PARP1: variants seen among roughly 807,000 people sequenced by gnomAD.
PARP1 encodes poly [ADP-ribose] polymerase 1.
A neutral mutation model predicts 118.7 loss-of-function variants in PARP1; 44 were observed. The observed-to-expected ratio is 0.37, with a 90% CI of 0.29 to 0.48. The LOEUF (loss-of-function observed/expected upper bound fraction) is 0.48, where lower values mean the gene tolerates loss of function less well. PARP1 is among the 20% of genes least tolerant of loss of function. The pLI is 0.99. For missense variants in PARP1, 1,100 were observed against 1,272.4 expected, an observed-to-expected ratio of 0.86 and a Z score of 2.06; for synonymous variants, 492 against 483.2, an observed-to-expected ratio of 1.02 and a Z score of -0.24.
At chr1:226,379,843 G>A (rs1231705503) in intron 10 of PARP1, 79 bp downstream of exon 10, 3 of 1,603,510 alleles carry the variant, frequency 1.9e-6, no homozygotes, top group South Asian at 1.1e-5. Context: ...GGACACAAAG[G>A]GAGAGGTTCC....
intron 1 of PARP1, 82 bp downstream of exon 1, chr1:226,407,728 G>GCCCC: frequency 1.6e-6 from 2 of 1,289,820 alleles, no homozygotes; most frequent in Non-Finnish European, 2.1e-6. Flanking sequence ...CGCTCCCTGG[G>GCCCC]CCCGCCCTCC....
At chr1:226,388,851 A>T in intron 4 of PARP1, 96 bp from the exon 5 acceptor site, 1 of 944,776 alleles carries the variant, frequency 1.1e-6, no homozygotes, top group South Asian at 1.3e-5. Flanking sequence ...TCATTCTATC[A>T]ACTCCCTGTA....
intron 1 of PARP1, among the ~76,000 whole-genome samples, chr1:226,404,752 G>A (rs1665109352): frequency 6.6e-6 from 1 of 152,206 alleles, no homozygotes; most frequent in South Asian, 2.1e-4. Flanking sequence ...CACAGCTGAG[G>A]CAAGGCACAG....
chr1:226,368,696 T>G (rs1443876122), intron 15 of PARP1, among the ~76,000 whole-genome samples: 1 of 152,234 alleles, frequency 6.6e-6, no homozygotes, highest in Non-Finnish European at 1.5e-5. Context: ...TTGAAACATT[T>G]TCATAATAAA....
Position 226,407,965 on chromosome 1 carries a change from A to ACGCCACGACCTAGAAACACGCTGC in PARP1, c.-60_-37dup, listed in dbSNP as rs772749345. 9.9e-6 allele frequency: 16 copies of ACGCCACGACCTAGAAACACGCTGC among 1,611,268 alleles called. No individual in the cohort carries two copies. The highest frequency in any genetic ancestry group is 1.6e-4 in the Middle Eastern group (1 of 6,076). ...CTGCCGCCAAAGCTCCGGAAGCCCG[A>ACGCCACGACCTAGAAACACGCTGC]CGCCACGACCTAGAAACACGCTGCC... On this transcript the variant is annotated 5_prime_UTR_variant, in exon 1 of 23. Transcript: ENST00000366794.
Position 226,363,082 on chromosome 1 carries a change from C to T in PARP1, c.2848+17G>A. 1 of 1,605,658 alleles carries T rather than the reference C, an allele frequency of 6.2e-7. No homozygotes were observed. The highest frequency in any genetic ancestry group is 8.5e-7 in the Non-Finnish European group (1 of 1,172,260). Reference sequence around the variant, plus strand: ...AGGGTGCCTCGGGCTGTAGCAACAGCTTTGGAAACACTTTACCTTTGACAC... The same window carrying T: ...AGGGTGCCTCGGGCTGTAGCAACAGTTTTGGAAACACTTTACCTTTGACAC... On this transcript the variant is annotated intron_variant, in intron 21 of 22. Transcript: ENST00000366794.
chr1:226,370,774 C>T (rs774058329), intron 14 of PARP1: 191 of 541,780 alleles, frequency 3.5e-4, no homozygotes, highest in Non-Finnish European at 5.3e-4. Context: ...GCCCCTATGC[C>T]CAGTTTCAAA....
In PARP1 at chr1:226,361,542, C is replaced by T. The variant is rs1474605552; in HGVS notation, c.2964-1G>A. ...CTGAGCAATATCATAGACAATGTAC[C>T]TGAGGGGAAGCTTGTTAAGGAGCCA... On this transcript the variant is annotated splice_acceptor_variant, in intron 22 of 22. Transcript: ENST00000366794. LOFTEE classifies it high-confidence loss of function. The T allele has an allele frequency of 6.2e-7, 1 of 1,605,906 alleles. No homozygotes were observed. Among genetic ancestry groups the T allele is most frequent in the South Asian group, 1.1e-5 (1 of 90,918 alleles).
Position 226,372,342 on chromosome 1 carries a change from T to C in PARP1, c.2071-1825A>G, listed in dbSNP as rs184346478. Among the ~76,000 whole-genome samples, 386 of 152,344 alleles carry C rather than the reference T, an allele frequency of 2.5e-3. 1 individual carries two copies. Among genetic ancestry groups the C allele is most frequent in the Non-Finnish European group, 4.2e-3 (288 of 68,034 alleles). ...GCAGCGCCCCTGTCCCTTTTCTTCC[T>C]GCTAAACTAGTTACCTGTCCAGTGA... is the stretch of plus-strand genomic sequence containing the variant. On this transcript the variant is annotated intron_variant, in intron 14 of 22. Coordinates refer to ENST00000366794, the MANE Select transcript of PARP1 (RefSeq NM_001618.4).
intron 18 of PARP1, 57 bp downstream of exon 18, chr1:226,365,897 T>C (rs1664254494): frequency 8.9e-7 from 1 of 1,129,550 alleles, no homozygotes; most frequent in Non-Finnish European, 1.4e-6. Flanking sequence ...GTTGGAGGAG[T>C]GGGCAGGGAA....
At chr1:226,392,859 C>A in intron 2 of PARP1, 1 of 1,467,156 alleles carries the variant, frequency 6.8e-7, no homozygotes, top group Non-Finnish European at 9.1e-7. Flanking sequence ...CCATTTGGGA[C>A]AAAAACTGGA....
intron 15 of PARP1, among the ~76,000 whole-genome samples, chr1:226,368,676 T>A (rs1664320717): frequency 6.6e-6 from 1 of 152,156 alleles, no homozygotes; most frequent in South Asian, 2.1e-4. Flanking sequence ...TCCTTCAACT[T>A]TTTGTATGTT....
intron 15 of PARP1, among the ~76,000 whole-genome samples, chr1:226,370,007 A>T (rs1377931174): frequency 6.7e-6 from 1 of 149,568 alleles, no homozygotes; most frequent in Non-Finnish European, 1.5e-5. Flanking sequence ...AAAAAATCTC[A>T]GGATGCGAGA....
intron 14 of PARP1, among the ~76,000 whole-genome samples, chr1:226,373,147 C>T (rs1342346487): frequency 6.6e-6 from 1 of 152,170 alleles, no homozygotes; most frequent in African/African-American, 2.4e-5. Flanking sequence ...TTATACTGCC[C>T]AGTTTTGACC....
chr1:226,383,328 A>C (rs944958452), intron 7 of PARP1, 145 bp from the exon 8 acceptor site: 1 of 693,014 alleles, frequency 1.4e-6, no homozygotes, highest in East Asian at 2.6e-5. Context: ...GAAAAATGTG[A>C]GGCTTTAAGG....
At chr1:226,367,162 G>A in intron 17 of PARP1, 1 of 400,668 alleles carries the variant, frequency 2.5e-6, no homozygotes, top group Non-Finnish European at 4.7e-6. Flanking sequence ...CTAGATTAAG[G>A]AGAGGAAACA....
chr1:226,404,916 A>C (rs907649806), intron 1 of PARP1, among the ~76,000 whole-genome samples: 1 of 152,078 alleles, frequency 6.6e-6, no homozygotes, highest in Non-Finnish European at 1.5e-5. Context: ...ACCTCACTGC[A>C]TGCCTCCGGG....
Position 226,363,995 on chromosome 1 carries a change from G to T in PARP1, c.2734C>A (p.Gln912Lys). Residue 912 changes from glutamine to lysine, a missense_variant, in exon 20 of 23, where the codon CAG becomes AAG. Gln to Lys is a moderately conservative substitution (Grantham distance 53, BLOSUM62 1). Coordinates refer to ENST00000366794, the MANE Select transcript of PARP1 (RefSeq NM_001618.4). ...SKSANYCHTS[Q>K]GDPIGLILLG... ...AGGATTAAGCCTATTGGGTCTCCCT[G>T]AGACGTATGGCAGTAGTTGGCACTC... 3.7e-6 allele frequency: 6 copies of T among 1,614,036 alleles called. No homozygotes were observed. In the South Asian group the frequency reaches 6.6e-5, roughly 18 times the overall value.
chr1:226,367,320 A>C, intron 17 of PARP1, 160 bp downstream of exon 17: 1 of 852,672 alleles, frequency 1.2e-6, no homozygotes, highest in Non-Finnish European at 1.9e-6. Flanking sequence ...AAGGACCACC[A>C]GCAGCAATGT....
Sources: gnomAD v4.1 joint callset for allele counts (sites outside exome capture counted in the v4.1 genomes callset) on GRCh38, gnomAD v4.1.1 for gene constraint, MANE v1.5 for transcripts, NCBI Gene and HGNC (gene_info 2026-07-23, HGNC 2026-07-21) for gene names.